Variants in PCDH15 observed in about 807,000 individuals in gnomAD.
The protein encoded by PCDH15 is protocadherin-15.
PCDH15 carries 129 observed loss-of-function variants against 178.5 expected under a neutral mutation model. That is an observed-to-expected ratio of 0.72 (90% CI 0.63 to 0.84). The LOEUF is 0.84. Among genes scored for constraint, PCDH15 ranks in the 40% least tolerant of loss-of-function variants. The pLI is 0.00. For missense variants in PCDH15, 2,230 were observed against 2,099.9 expected (o/e 1.06, Z -1.21); for synonymous variants, 800 against 732.0 (o/e 1.09, Z -1.50).
intron 5 of PCDH15, among the ~76,000 whole-genome samples, chr10:54,347,563 A>G (rs552302886): frequency 6.6e-6 from 1 of 152,232 alleles, no homozygotes; most frequent in South Asian, 2.1e-4. Context: ...AGAGGCAACA[A>G]AAAAGTTGCC....
At chr10:54,413,825 A>T (rs1953921294) in intron 3 of PCDH15, among the ~76,000 whole-genome samples, 1 of 152,166 alleles carries the variant, frequency 6.6e-6, no homozygotes, top group African/African-American at 2.4e-5. Flanking sequence ...TTCACATACG[A>T]TAATGGCCTA....
Position 53,822,914 on chromosome 10 carries a change from C to A in PCDH15, c.4368-2684G>T, listed in dbSNP as rs148718874. On this transcript the variant is annotated intron_variant, in intron 32 of 37. Coordinates refer to ENST00000644397, the MANE Select transcript of PCDH15 (RefSeq NM_001384140.1). ...CAGTGTTTTCATTTTCAGCTTTCTG[C>A]CTGGTGCCTTGCCACTGCTGCAGAT... is the stretch of plus-strand genomic sequence containing the variant. The A allele has an allele frequency of 6.4e-4, 1,029 of 1,614,108 alleles. 16 individuals are homozygous for A. In the East Asian group the frequency reaches 0.021, roughly 33 times the overall value.
intron 13 of PCDH15, among the ~76,000 whole-genome samples, chr10:54,178,576 G>A (rs1341335986): frequency 6.6e-6 from 1 of 151,974 alleles, no homozygotes; most frequent in Admixed American, 6.6e-5. Context: ...AGAGTAAGAA[G>A]CATCACAGAA....
intron 25 of PCDH15, among the ~76,000 whole-genome samples, chr10:53,924,673 G>C (rs1319465488): frequency 1.3e-5 from 2 of 152,188 alleles, no homozygotes; most frequent in African/African-American, 2.4e-5. Flanking sequence ...GAACCTTTAC[G>C]TTTAGCTAAG....
intron 1 of PCDH15, among the ~76,000 whole-genome samples, chr10:54,733,485 T>C (rs979007344): frequency 4.0e-5 from 6 of 151,686 alleles, no homozygotes; most frequent in African/African-American, 1.4e-4. Flanking sequence ...GTGATGGGTA[T>C]ACATATTCTG....
intron 1 of PCDH15, among the ~76,000 whole-genome samples, chr10:54,778,074 A>T (rs1741054330): frequency 6.6e-6 from 1 of 152,242 alleles, no homozygotes; most frequent in Admixed American, 6.5e-5. Flanking sequence ...AGAATTCACG[A>T]GAAACTTTGA....
At chr10:53,940,362 A>G (rs2085945445) in intron 24 of PCDH15, among the ~76,000 whole-genome samples, 3 of 152,170 alleles carry the variant, frequency 2.0e-5, no homozygotes. Flanking sequence ...TAATTTGACT[A>G]TTTTGGGAAT....
chr10:55,265,818 G>A (rs1248876304), intron 1 of PCDH15, among the ~76,000 whole-genome samples: 2 of 152,086 alleles, frequency 1.3e-5, no homozygotes, highest in African/African-American at 2.4e-5. Context: ...GCATTACTCA[G>A]GCAGCCCCTC....
intron 13 of PCDH15, among the ~76,000 whole-genome samples, chr10:54,179,073 T>C (rs2047722409): frequency 6.6e-6 from 1 of 152,148 alleles, no homozygotes; most frequent in Non-Finnish European, 1.5e-5. Context: ...ACTGGATATA[T>C]ACCCAAAGGA....
At chr10:54,742,147 G>A (rs1360996818) in intron 1 of PCDH15, among the ~76,000 whole-genome samples, 1 of 152,006 alleles carries the variant, frequency 6.6e-6, no homozygotes, top group Non-Finnish European at 1.5e-5. Flanking sequence ...TTTTTGTTAT[G>A]AGGTCATTGA....
At position 53,866,642 on chromosome 10, in the gene PCDH15, G is replaced by T. The variant is rs756769326; in HGVS notation, c.3717C>A (p.Leu1239=). The T allele has an allele frequency of 1.2e-6, 2 of 1,612,380 alleles. No homozygotes were observed. The highest frequency in any genetic ancestry group is 1.3e-5 in the African/African-American group (1 of 74,986). The part of the protein sequence containing the change: ...GKGLSGKADV[L]VSVVNQLDMQ... ...CTTTCCTGAAGTTTTATCTACTTAC[G>T]AGTACATCGGCTTTGCCGCTCAGTC... Residue 1239 remains leucine, a splice_region_variant and synonymous_variant, in exon 27 of 38, where the codon CTC becomes CTA. Coordinates refer to ENST00000644397, the MANE Select transcript of PCDH15 (RefSeq NM_001384140.1).
intron 2 of PCDH15, among the ~76,000 whole-genome samples, chr10:55,333,630 G>T (rs1020324920): frequency 1.3e-5 from 2 of 151,912 alleles, no homozygotes; most frequent in African/African-American, 4.8e-5. Context: ...TATTTACAGA[G>T]GATGTTATTT....
At chr10:54,002,011 T>A (rs2092161042) in intron 20 of PCDH15, among the ~76,000 whole-genome samples, 3 of 149,964 alleles carry the variant, frequency 2.0e-5, no homozygotes, top group Non-Finnish European at 1.5e-5. Context: ...ATGTATCAAT[T>A]TATCAGGAAG....
chr10:54,090,098 A>C, intron 15 of PCDH15, 35 bp from the exon 16 acceptor site: 1 of 1,471,640 alleles, frequency 6.8e-7, no homozygotes, highest in Non-Finnish European at 9.5e-7. Flanking sequence ...TTATCAAGTA[A>C]TTGATATGGC....
intron 2 of PCDH15, among the ~76,000 whole-genome samples, chr10:55,001,186 G>A (rs1839786626): frequency 1.3e-5 from 2 of 152,166 alleles, no homozygotes. Flanking sequence ...CCTGCCTGCA[G>A]AAAGAAGCTA....
chr10:55,588,212 T>A (rs1332430134), intron 2 of PCDH15, among the ~76,000 whole-genome samples: 2 of 152,194 alleles, frequency 1.3e-5, no homozygotes, highest in African/African-American at 4.8e-5. Flanking sequence ...ATCTGGTAGA[T>A]ATTTATGGCA....
intron 21 of PCDH15, among the ~76,000 whole-genome samples, chr10:53,983,395 T>C (rs773319235): frequency 6.6e-6 from 1 of 151,486 alleles, no homozygotes. Context: ...GAACTCTTCA[T>C]GTAACCACTG....
intron 29 of PCDH15, among the ~76,000 whole-genome samples, chr10:53,833,897 A>G (rs2077154825): frequency 6.6e-6 from 1 of 152,062 alleles, no homozygotes; most frequent in South Asian, 2.1e-4. Flanking sequence ...ATGCCTTCTC[A>G]TTTCAGGAAA....
At chr10:55,263,015 A>G (rs1453144218) in intron 1 of PCDH15, among the ~76,000 whole-genome samples, 3 of 152,106 alleles carry the variant, frequency 2.0e-5, no homozygotes, top group African/African-American at 2.4e-5. Context: ...GGGGCACCAA[A>G]TAAGTGAGCC....
Sources: gnomAD v4.1 joint callset for allele counts (sites outside exome capture counted in the v4.1 genomes callset) on GRCh38, gnomAD v4.1.1 for gene constraint, MANE v1.5 for transcripts, NCBI Gene and HGNC (gene_info 2026-07-23, HGNC 2026-07-21) for gene names.